USH2A: variants seen among roughly 807,000 people sequenced by gnomAD.
USH2A encodes usherin.
A neutral mutation model predicts 538.9 loss-of-function variants in USH2A; 443 were observed. The ratio of observed to expected loss-of-function variants is 0.82; its 90% CI spans 0.76 to 0.89. The LOEUF is 0.89. Among genes scored for constraint, USH2A ranks in the 40% least tolerant of loss-of-function variants. USH2A has a pLI of 0.00. For synonymous variants in USH2A, 2,413 were observed against 2,273.5 expected, an observed-to-expected ratio of 1.06 and a Z score of -1.75; for missense variants, 6,633 against 6,324.8, an observed-to-expected ratio of 1.05 and a Z score of -1.65.
At chr1:216,160,858 T>C (rs2034044257) in intron 21 of USH2A, among the ~76,000 whole-genome samples, 1 of 152,158 alleles carries the variant, frequency 6.6e-6, no homozygotes, top group Non-Finnish European at 1.5e-5. Flanking sequence ...TCTTCAACTA[T>C]GAGGATATAT....
At chr1:216,258,362 C>T (rs1358797627) in intron 11 of USH2A, among the ~76,000 whole-genome samples, 1 of 152,036 alleles carries the variant, frequency 6.6e-6, no homozygotes, top group Non-Finnish European at 1.5e-5. Context: ...TGGAAATAGG[C>T]ACATACCCAG....
chr1:215,789,222 A>G (rs1159611594), intron 51 of USH2A, among the ~76,000 whole-genome samples: 1 of 152,232 alleles, frequency 6.6e-6, no homozygotes, highest in Non-Finnish European at 1.5e-5. Context: ...TTAATCATTC[A>G]TTGATACAAA....
chr1:216,050,053 C>G (rs1197411050), intron 30 of USH2A, among the ~76,000 whole-genome samples: 3 of 152,202 alleles, frequency 2.0e-5, no homozygotes, highest in African/African-American at 7.2e-5. Flanking sequence ...TCATTCCTGC[C>G]CCTGCGATTG....
At chr1:216,352,369 G>A (rs888394876) in intron 4 of USH2A, among the ~76,000 whole-genome samples, 1 of 152,076 alleles carries the variant, frequency 6.6e-6, no homozygotes, top group Non-Finnish European at 1.5e-5. Flanking sequence ...CAAGGAGGAA[G>A]GAGCGATCAA....
At chr1:215,795,703 T>G (rs1227569891) in intron 50 of USH2A, among the ~76,000 whole-genome samples, 1 of 152,172 alleles carries the variant, frequency 6.6e-6, no homozygotes, top group Non-Finnish European at 1.5e-5. Flanking sequence ...TGTTATTAGC[T>G]ACTTCATCTA....
Position 215,629,008 on chromosome 1 carries a change from A to G in USH2A, c.15325T>C (p.Ser5109Pro), listed in dbSNP as rs1459363337. 1 of 1,613,402 alleles carries G rather than the reference A, an allele frequency of 6.2e-7. No individual in the cohort carries two copies. Among genetic ancestry groups the G allele is most frequent in the Non-Finnish European group, 8.5e-7 (1 of 1,180,034 alleles). ...CTGCGGATACTCACAGGTGTCCCAG[A>G]CCGGGGAATTTTGGTATCGGCTAAC... ...MGLADTKIPR[S>P]GTPVSIRSNR... The change falls in exon 71 of 72, where the codon TCT becomes CCT. Residue 5109 changes from serine to proline, a missense_variant. Physicochemically the swap from Ser to Pro is moderately conservative, Grantham distance 74. Coordinates refer to ENST00000307340, the MANE Select transcript of USH2A (RefSeq NM_206933.4).
chr1:215,739,943 T>G (rs1571637708), intron 60 of USH2A, among the ~76,000 whole-genome samples: 1 of 152,004 alleles, frequency 6.6e-6, no homozygotes, highest in African/African-American at 2.4e-5. Flanking sequence ...GTTGAAGAGG[T>G]GCGGGGTATG....
At position 216,249,387 on chromosome 1, in the gene USH2A, T is replaced by C. The variant is rs531149565; in HGVS notation, c.2167+1516A>G. Among the ~76,000 whole-genome samples the C allele has an allele frequency of 2.0e-4, 31 of 152,120 alleles. 1 individual carries two copies. Among genetic ancestry groups the C allele is most frequent in the Non-Finnish European group, 3.2e-4 (22 of 67,986 alleles). The stretch of plus-strand genomic sequence containing the variant: ...TGGAATCTAACCATCACAAGAAAGA[T>C]TCCATTGATACAAAGAAGTAATTAT... On this transcript the variant is annotated intron_variant, in intron 12 of 71. Transcript: ENST00000307340.
intron 34 of USH2A, among the ~76,000 whole-genome samples, chr1:215,994,770 T>C (rs1341954229): frequency 6.6e-6 from 1 of 152,120 alleles, no homozygotes; most frequent in Non-Finnish European, 1.5e-5. Flanking sequence ...GACAGGTCAC[T>C]GTGAGCTCAA....
Position 215,856,852 on chromosome 1 carries a change from TG to T in USH2A, c.8845+10154del, listed in dbSNP as rs1416560708. Among the ~76,000 whole-genome samples, 7 of 150,816 alleles carry T rather than the reference TG, an allele frequency of 4.6e-5. No homozygotes were observed. The East Asian group carries it at 1.4e-3, about 29-fold the overall frequency. ...AATTTGGTGTGTGTGTGTGTGTGTG[TG>T]TGTGTGTGTGTGTGTGTGTGTGTGT... is the stretch of plus-strand genomic sequence containing the variant. On this transcript the variant is annotated intron_variant, in intron 44 of 71. Coordinates refer to ENST00000307340, the MANE Select transcript of USH2A (RefSeq NM_206933.4).
chr1:216,003,479 T>A (rs989215406), intron 32 of USH2A, among the ~76,000 whole-genome samples: 2 of 151,970 alleles, frequency 1.3e-5, no homozygotes, highest in African/African-American at 2.4e-5. Context: ...AGAGGCCTCA[T>A]TGGGAAGGTG....
At chr1:216,212,264 C>A (rs951643458) in intron 15 of USH2A, among the ~76,000 whole-genome samples, 2 of 152,094 alleles carry the variant, frequency 1.3e-5, no homozygotes, top group Admixed American at 1.3e-4. Flanking sequence ...TGTCTGACTC[C>A]ACAGCATAAA....
chr1:216,074,794 C>T (rs1269901394), intron 27 of USH2A, among the ~76,000 whole-genome samples: 1 of 152,144 alleles, frequency 6.6e-6, no homozygotes, highest in South Asian at 2.1e-4. Context: ...TGTACCCTAA[C>T]TTCCCTACCA....
At chr1:216,241,427 C>A (rs2035936111) in intron 13 of USH2A, among the ~76,000 whole-genome samples, 1 of 152,050 alleles carries the variant, frequency 6.6e-6, no homozygotes, top group Non-Finnish European at 1.5e-5. Context: ...TAAACAATGG[C>A]AATACTGGAT....
chr1:215,651,250 G>A (rs1178119164), intron 64 of USH2A, among the ~76,000 whole-genome samples: 1 of 152,164 alleles, frequency 6.6e-6, no homozygotes, highest in Non-Finnish European at 1.5e-5. Flanking sequence ...CATATGGAAC[G>A]ATGTATAATC....
chr1:215,956,435 C>T (rs1028184134), intron 37 of USH2A, among the ~76,000 whole-genome samples: 1 of 152,062 alleles, frequency 6.6e-6, no homozygotes, highest in African/African-American at 2.4e-5. Flanking sequence ...TTAAATTATG[C>T]AAAGCCTTCC....
At chr1:215,983,620 C>CA (rs1460795696) in intron 35 of USH2A, among the ~76,000 whole-genome samples, 1 of 152,010 alleles carries the variant, frequency 6.6e-6, no homozygotes, top group East Asian at 1.9e-4. Flanking sequence ...ACCCCCCCAT[C>CA]AAAAAAACAA....
intron 9 of USH2A, among the ~76,000 whole-genome samples, chr1:216,319,350 T>C (rs1048695238): frequency 2.0e-5 from 3 of 152,156 alleles, no homozygotes; most frequent in African/African-American, 7.2e-5. Context: ...GAAGAATAAA[T>C]CAATCAAGTT....
At chr1:216,073,029 C>G (rs1228788320) in intron 28 of USH2A, 60 bp from the exon 29 acceptor site, 8 of 1,611,522 alleles carry the variant, frequency 5.0e-6, no homozygotes, top group Non-Finnish European at 5.9e-6. Context: ...TAATGAGGGG[C>G]TGGCAGGGAG....
Sources: allele counts gnomAD v4.1 joint callset (sites outside exome capture counted in the v4.1 genomes callset), GRCh38; gene constraint gnomAD v4.1.1; transcripts MANE v1.5; gene names NCBI Gene and HGNC (gene_info 2026-07-23, HGNC 2026-07-21).